FOXRED2: variants seen among roughly 807,000 people sequenced by gnomAD.
The protein encoded by FOXRED2 is FAD dependent oxidoreductase domain containing 2, also known as FAD-dependent oxidoreductase domain-containing protein 2.
FOXRED2 carries 32 observed loss-of-function variants against 52.5 expected under a neutral mutation model. The ratio of observed to expected loss-of-function variants is 0.61; its 90% CI spans 0.46 to 0.82. The LOEUF is 0.82. Ranked by LOEUF, FOXRED2 falls within the 40% of genes least tolerant of loss-of-function variation. The pLI is 0.00. For missense variants in FOXRED2, 848 were observed against 937.5 expected (o/e 0.90, Z 1.25); for synonymous variants, 405 against 398.1 (o/e 1.02, Z -0.21).
At chr22:36,491,243 T>G (rs992386582) in intron 8 of FOXRED2, among the ~76,000 whole-genome samples, 5 of 152,056 alleles carry the variant, frequency 3.3e-5, no homozygotes, top group South Asian at 4.1e-4. Flanking sequence ...GAACAACCGC[T>G]AGGTCTGGGA....
chr22:36,496,740 T>A (rs1180052266), intron 6 of FOXRED2, among the ~76,000 whole-genome samples: 1 of 152,022 alleles, frequency 6.6e-6, no homozygotes, highest in Non-Finnish European at 1.5e-5. Flanking sequence ...CCAGGCCAAG[T>A]GGGGCGGCTG....
chr22:36,489,742 A>G lies in FOXRED2; in HGVS notation c.*266T>C. Reference sequence around the variant, plus strand: ...TGGCCTGGGGCTCAGCGACAGCTCCATTGCAGACAAACTGGGCTGGGGAAG... The same window carrying G: ...TGGCCTGGGGCTCAGCGACAGCTCCGTTGCAGACAAACTGGGCTGGGGAAG... On this transcript the variant is annotated 3_prime_UTR_variant, in exon 9 of 9. Transcript: ENST00000397224. The G allele has an allele frequency of 2.5e-6, 1 of 403,248 alleles. No individual in the cohort carries two copies. Among genetic ancestry groups the G allele is most frequent in the Non-Finnish European group, 4.5e-6 (1 of 223,094 alleles). 25.0% of individuals were successfully genotyped at this position (403,248 alleles called of 1,614,324 possible).
chr22:36,505,726 G>A (rs1246152932), intron 2 of FOXRED2, among the ~76,000 whole-genome samples, 170 bp downstream of exon 2: 4 of 151,816 alleles, frequency 2.6e-5, no homozygotes, highest in Non-Finnish European at 5.9e-5. Context: ...AGCTGACCTC[G>A]TGCCATTGCA....
chr22:36,506,905 C>G (rs1275304271), intron 1 of FOXRED2, 104 bp downstream of exon 1: 1 of 154,030 alleles, frequency 6.5e-6, no homozygotes, highest in South Asian at 2.0e-4. Flanking sequence ...AGGGATGCCG[C>G]GCACACCTGC....
intron 7 of FOXRED2, 43 bp from the exon 8 acceptor site, chr22:36,493,846 G>A: frequency 6.3e-7 from 1 of 1,583,294 alleles, no homozygotes; most frequent in Non-Finnish European, 8.7e-7. Flanking sequence ...CTGTGAGGCT[G>A]GGCTTCCCCT....
chr22:36,506,710 C>T, intron 1 of FOXRED2: 3 of 384,702 alleles, frequency 7.8e-6, no homozygotes, highest in Non-Finnish European at 1.4e-5. Context: ...GGAAGGAGAG[C>T]GTACTCCCCA....
intron 6 of FOXRED2, among the ~76,000 whole-genome samples, chr22:36,496,563 G>A (rs781007676): frequency 2.6e-5 from 4 of 152,228 alleles, no homozygotes; most frequent in African/African-American, 4.8e-5. Flanking sequence ...AGAGGGGGCC[G>A]GAGGCCTTGA....
chr22:36,503,822 T>G (rs1316516581), intron 4 of FOXRED2, among the ~76,000 whole-genome samples: 2 of 152,180 alleles, frequency 1.3e-5, no homozygotes, highest in Non-Finnish European at 2.9e-5. Flanking sequence ...CCCTCTGTAT[T>G]CTCTCTGAGC....
At chr22:36,490,371 C>G in intron 8 of FOXRED2, 104 bp from the exon 9 acceptor site, 1 of 1,311,794 alleles carries the variant, frequency 7.6e-7, no homozygotes, top group Non-Finnish European at 1.0e-6. Flanking sequence ...CACTGCAGGC[C>G]TTGCCTGGTA....
chr22:36,490,110 C>G lies in FOXRED2; in HGVS notation c.1953G>C (p.Leu651=). ...LRDYAPTGRR[L]EDSSQQLGDQ... ...CGCCAAGCTGCTGGCTGCTGTCCTC[C>G]AGGCGCCTGCCTGTGGGGGCATAGT... Residue 651 remains leucine (L), a synonymous_variant, in exon 9 of 9, where the codon CTG becomes CTC. Coordinates refer to ENST00000397224, the MANE Select transcript of FOXRED2 (RefSeq NM_001102371.2). 6.2e-7 allele frequency: 1 copy of G among 1,613,948 alleles called. No homozygotes were observed. The highest frequency in any genetic ancestry group is 2.2e-5 in the East Asian group (1 of 44,878).
At chr22:36,506,487 G>T in intron 1 of FOXRED2, 64 bp from the exon 2 acceptor site, 1 of 1,386,362 alleles carries the variant, frequency 7.2e-7, no homozygotes, top group Non-Finnish European at 9.4e-7. Flanking sequence ...ACGAGGCCCA[G>T]AAAGAGGCGG....
intron 7 of FOXRED2, among the ~76,000 whole-genome samples, chr22:36,494,239 C>A (rs972213347): frequency 3.3e-5 from 5 of 152,106 alleles, no homozygotes; most frequent in African/African-American, 9.7e-5. Context: ...GCCTCTGCCT[C>A]CAGAGTAGCT....
In FOXRED2 at chr22:36,489,990, C is replaced by A; in HGVS notation, c.*18G>T. The stretch of plus-strand genomic sequence containing the variant: ...TGGGGAGGCCTGGCCACTGTGCCCA[C>A]AGCTTAGGAAGGGACAGTCAGAGCT... On this transcript the variant is annotated 3_prime_UTR_variant, in exon 9 of 9. Transcript: ENST00000397224. The A allele has an allele frequency of 6.5e-7, 1 of 1,538,156 alleles. No homozygotes were observed. Among genetic ancestry groups the A allele is most frequent in the Non-Finnish European group, 8.8e-7 (1 of 1,138,726 alleles).
rs116703620 is a variant in FOXRED2, at chr22:36,490,179, G to A, written c.1884C>T (p.Thr628=). 212 of 1,614,110 alleles carry A rather than the reference G, an allele frequency of 1.3e-4. 1 individual carries two copies. In the African/African-American group the frequency reaches 2.0e-3, roughly 15 times the overall value. The part of the protein sequence containing the change: ...GYLRMQGLVS[T]ESLWQHRVES... ...CCACTCTGTGCTGCCAAAGGCTCTC[G>A]GTACTCACGAGTCCCTGCATCCTCA... The change falls in exon 9 of 9, where the codon ACC becomes ACT. Residue 628 remains threonine (T), a synonymous_variant. Coordinates refer to ENST00000397224, the MANE Select transcript of FOXRED2 (RefSeq NM_001102371.2).
In FOXRED2 at chr22:36,488,122, T is replaced by G. The variant is rs1392776728; in HGVS notation, c.*1886A>C. On this transcript the variant is annotated 3_prime_UTR_variant, in exon 9 of 9. Coordinates refer to ENST00000397224, the MANE Select transcript of FOXRED2 (RefSeq NM_001102371.2). ...AAAAAAAAAAGAAAAAGAAAAAGTC[T>G]GGACCAAGCCAAGAGGGGAAGAGGA... is the stretch of plus-strand genomic sequence containing the variant. The G allele has an allele frequency of 6.6e-6, 1 of 151,082 alleles. No individual in the cohort carries two copies. The highest frequency in any genetic ancestry group is 2.4e-5 in the African/African-American group (1 of 41,192). 9.4% of individuals were successfully genotyped at this position (151,082 alleles called of 1,614,324 possible).
Position 36,506,018 on chromosome 22 carries a change from C to A in FOXRED2, c.405G>T (p.Thr135=). The part of the protein sequence containing the change: ...MVRYLGDFAD[T]LGLRVQYNTT... ...TGTTGTACTGGACACGGAGCCCCAG[C>A]GTGTCCGCGAAGTCACCCAGGTAGC... is the stretch of plus-strand genomic sequence containing the variant. Residue 135 remains threonine (T), a synonymous_variant, in exon 2 of 9, where the codon ACG becomes ACT. Coordinates refer to ENST00000397224, the MANE Select transcript of FOXRED2 (RefSeq NM_001102371.2). 3 of 1,614,244 alleles carry A rather than the reference C, an allele frequency of 1.9e-6. No homozygotes were observed. Among genetic ancestry groups the A allele is most frequent in the Non-Finnish European group, 2.5e-6 (3 of 1,180,050 alleles).
At chr22:36,492,905 T>C (rs1933793239) in intron 8 of FOXRED2, among the ~76,000 whole-genome samples, 1 of 152,238 alleles carries the variant, frequency 6.6e-6, no homozygotes, top group Non-Finnish European at 1.5e-5. Context: ...CAAATTTACA[T>C]AAGCAGGGCC....
chr22:36,491,293 T>A (rs113992903), intron 8 of FOXRED2, among the ~76,000 whole-genome samples: 4 of 152,140 alleles, frequency 2.6e-5, no homozygotes, highest in African/African-American at 7.2e-5. Context: ...GGAAAGCGGG[T>A]GACATAGTTT....
In FOXRED2 at chr22:36,504,271, G is replaced by A. The variant is rs1934131955; in HGVS notation, c.876C>T (p.Ser292=). 9.9e-6 allele frequency: 16 copies of A among 1,614,186 alleles called. No homozygotes were observed. The highest frequency in any genetic ancestry group is 1.4e-5 in the Non-Finnish European group (16 of 1,180,038). The change falls in exon 4 of 9, where the codon AGC becomes AGT. Residue 292 remains serine, a synonymous_variant. Transcript: ENST00000397224. The part of the protein sequence containing the change: ...DLTDLAILKD[S]KGKFHVTPKF... ...TCGGGGTGACATGGAACTTGCCTTT[G>A]CTGTCCTTCAGGATGGCCAGATCCG... is the stretch of plus-strand genomic sequence containing the variant.
Sources: gnomAD v4.1 joint callset for allele counts (sites outside exome capture counted in the v4.1 genomes callset) on GRCh38, gnomAD v4.1.1 for gene constraint, MANE v1.5 for transcripts, NCBI Gene and HGNC (gene_info 2026-07-23, HGNC 2026-07-21) for gene names.